The following SLIT3 variants were observed in gnomAD, a reference collection of about 807,000 sequenced individuals.
SLIT3 encodes the protein slit guidance ligand 3.
In SLIT3, 68 loss-of-function variants were observed where a neutral mutation model predicts 184.0. The observed-to-expected ratio is 0.37, with a 90% CI of 0.30 to 0.45. SLIT3 has a LOEUF of 0.45. SLIT3 is among the 20% of genes least tolerant of loss of function. SLIT3 has a pLI of 1.00. For synonymous variants in SLIT3, 831 were observed against 828.6 expected, an observed-to-expected ratio of 1.00 and a Z score of -0.05; for missense variants, 1,707 against 2,026.0, an observed-to-expected ratio of 0.84 and a Z score of 3.02.
intron 6 of SLIT3, among the ~76,000 whole-genome samples, chr5:168,825,192 A>C (rs1757659174): frequency 6.6e-6 from 1 of 152,136 alleles, no homozygotes; most frequent in East Asian, 1.9e-4. Context: ...TCATGGAGAG[A>C]ATCTAGTCCT....
intron 4 of SLIT3, among the ~76,000 whole-genome samples, chr5:169,106,049 T>TG (rs199794448): frequency 0.018 from 2,446 of 138,774 alleles, 35 homozygotes; most frequent in East Asian, 0.042. Context: ...TGGAGCCTGT[T>TG]GGGGGGGCAG....
chr5:169,013,889 T>G (rs1756260721), intron 4 of SLIT3, among the ~76,000 whole-genome samples: 1 of 152,210 alleles, frequency 6.6e-6, no homozygotes, highest in Non-Finnish European at 1.5e-5. Flanking sequence ...GCATACTTGC[T>G]CTGGCTTGCA....
chr5:168,923,861 T>C (rs1293826380), intron 4 of SLIT3, among the ~76,000 whole-genome samples: 1 of 152,252 alleles, frequency 6.6e-6, no homozygotes, highest in Non-Finnish European at 1.5e-5. Context: ...AAGCCAGGCA[T>C]TGGCAAACTA....
At chr5:169,111,364 A>G (rs965451850) in intron 4 of SLIT3, among the ~76,000 whole-genome samples, 1 of 152,230 alleles carries the variant, frequency 6.6e-6, no homozygotes, top group Non-Finnish European at 1.5e-5. Context: ...GATGATAAGT[A>G]TTTTTGGCTT....
At chr5:169,198,418 G>A (rs143648485) in intron 3 of SLIT3, among the ~76,000 whole-genome samples, 3 of 152,328 alleles carry the variant, frequency 2.0e-5, no homozygotes, top group East Asian at 1.9e-4. Context: ...TGTACTCCAT[G>A]GAGGGCCAGG....
intron 4 of SLIT3, among the ~76,000 whole-genome samples, chr5:168,998,358 T>C (rs1755583874): frequency 6.6e-6 from 1 of 152,166 alleles, no homozygotes. Context: ...AGGTTACTCT[T>C]CTAGTTATAA....
chr5:168,743,502 C>T (rs890821073), intron 20 of SLIT3, among the ~76,000 whole-genome samples: 6 of 152,210 alleles, frequency 3.9e-5, no homozygotes, highest in Admixed American at 3.3e-4. Flanking sequence ...GTTGTGTGTG[C>T]TCTGACTGCT....
At chr5:168,724,315 G>A in intron 21 of SLIT3, 101 bp downstream of exon 21, 1 of 816,030 alleles carries the variant, frequency 1.2e-6, no homozygotes, top group Non-Finnish European at 1.9e-6. Flanking sequence ...ATTACCACTT[G>A]CATCAGCCTG....
chr5:169,151,794 G>A (rs1229175998), intron 4 of SLIT3, among the ~76,000 whole-genome samples: 1 of 152,132 alleles, frequency 6.6e-6, no homozygotes, highest in Admixed American at 6.5e-5. Flanking sequence ...CAGTGGTCAG[G>A]AAAAGATAGA....
intron 4 of SLIT3, among the ~76,000 whole-genome samples, chr5:168,965,848 C>T (rs1220135006): frequency 2.6e-5 from 4 of 152,230 alleles, no homozygotes; most frequent in African/African-American, 7.2e-5. Context: ...ATTGTGAACT[C>T]ATGCCAGCGC....
In SLIT3 at chr5:168,825,002, G is replaced by T. The variant is rs553840571; in HGVS notation, c.558-1671C>A. 1.5e-3 allele frequency among the ~76,000 whole-genome samples: 226 copies of T among 152,302 alleles called. 1 individual carries two copies. The highest frequency in any genetic ancestry group is 2.5e-3 in the South Asian group (12 of 4,824). On this transcript the variant is annotated intron_variant, in intron 6 of 35. Coordinates refer to ENST00000519560, the MANE Select transcript of SLIT3 (RefSeq NM_003062.4). ...TAGCCTCATGTCCTGCTCTGTACATGGTTGAAATCAAATCCTACTACTTCC... is the reference window on the plus strand; with the variant it reads ...TAGCCTCATGTCCTGCTCTGTACATTGTTGAAATCAAATCCTACTACTTCC...
intron 4 of SLIT3, among the ~76,000 whole-genome samples, chr5:169,113,084 C>T (rs1425263713): frequency 6.6e-6 from 1 of 152,156 alleles, no homozygotes; most frequent in Non-Finnish European, 1.5e-5. Context: ...AATTTAACAT[C>T]TTAATGGCGT....
At position 168,774,227 on chromosome 5, in the gene SLIT3, G is replaced by A. The variant is rs990660602; in HGVS notation, c.1295+8C>T. The A allele has an allele frequency of 1.2e-6, 2 of 1,600,014 alleles. No individual in the cohort carries two copies. The highest frequency in any genetic ancestry group is 1.7e-6 in the Non-Finnish European group (2 of 1,173,988). ...GGCACCCACTGGCACCCGAGGCAGT[G>A]TACTCACAGTGTCTGGATGGACTGC... On this transcript the variant is annotated splice_region_variant and intron_variant, in intron 13 of 35. Coordinates refer to ENST00000519560, the MANE Select transcript of SLIT3 (RefSeq NM_003062.4).
At chr5:169,194,880 G>A (rs1004012417) in intron 3 of SLIT3, among the ~76,000 whole-genome samples, 6 of 152,236 alleles carry the variant, frequency 3.9e-5, no homozygotes, top group Admixed American at 1.3e-4. Flanking sequence ...TGCTTTCTTC[G>A]GAGCACTGGG....
chr5:168,940,940 T>A (rs9313431), intron 4 of SLIT3, among the ~76,000 whole-genome samples: 2 of 152,088 alleles, frequency 1.3e-5, no homozygotes, highest in African/African-American at 4.8e-5. Context: ...CCCCCAGGAC[T>A]GTTGTCATTC....
intron 29 of SLIT3, among the ~76,000 whole-genome samples, chr5:168,690,434 C>T (rs903317492): frequency 1.3e-5 from 2 of 152,216 alleles, no homozygotes; most frequent in Non-Finnish European, 2.9e-5. Context: ...CAATTTATCT[C>T]CTCTCCATGG....
At chr5:168,749,009 C>T (rs2113460140) in intron 19 of SLIT3, among the ~76,000 whole-genome samples, 1 of 152,322 alleles carries the variant, frequency 6.6e-6, no homozygotes, top group South Asian at 2.1e-4. Context: ...GTCTGTTTCT[C>T]ATGAGTACAT....
intron 20 of SLIT3, among the ~76,000 whole-genome samples, chr5:168,742,992 C>T (rs376830159): frequency 5.3e-5 from 8 of 152,164 alleles, no homozygotes; most frequent in African/African-American, 1.4e-4. Context: ...ATTAGCTGAG[C>T]GTGGTGGCAT....
At chr5:168,964,495 A>G (rs373761751) in intron 4 of SLIT3, among the ~76,000 whole-genome samples, 96 of 152,360 alleles carry the variant, frequency 6.3e-4, no homozygotes, top group African/African-American at 2.3e-3. Flanking sequence ...CCTATGAAAC[A>G]CATAGTGCCA....
Sources: gnomAD v4.1 joint callset for allele counts (sites outside exome capture counted in the v4.1 genomes callset) on GRCh38, gnomAD v4.1.1 for gene constraint, MANE v1.5 for transcripts, NCBI Gene and HGNC (gene_info 2026-07-23, HGNC 2026-07-21) for gene names.